The following GFRA1 variants were observed in gnomAD, a reference collection of about 807,000 sequenced individuals.
The protein encoded by GFRA1 is GDNF family receptor alpha 1.
A neutral mutation model predicts 51.6 loss-of-function variants in GFRA1; 16 were observed. That is an observed-to-expected ratio of 0.31 (90% CI 0.21 to 0.47). The LOEUF (loss-of-function observed/expected upper bound fraction) is 0.47. Among genes scored for constraint, GFRA1 ranks in the 20% least tolerant of loss-of-function variants. The probability of loss-of-function intolerance (pLI) is 1.00; values close to 1 mark genes in which losing one functional copy is unlikely to be tolerated. For missense variants in GFRA1, 530 were observed against 594.3 expected (o/e 0.89, Z 1.13); for synonymous variants, 270 against 241.3 (o/e 1.12, Z -1.10).
chr10:116,078,655 C>T (rs781349785), intron 9 of GFRA1, among the ~76,000 whole-genome samples: 12 of 152,280 alleles, frequency 7.9e-5, no homozygotes, highest in South Asian at 4.1e-4. Flanking sequence ...GCAGAGAAAA[C>T]GCTGGGTATA....
At chr10:116,139,090 G>A (rs2134084771) in intron 5 of GFRA1, among the ~76,000 whole-genome samples, 1 of 152,344 alleles carries the variant, frequency 6.6e-6, no homozygotes, top group South Asian at 2.1e-4. Flanking sequence ...TCTTCCACCT[G>A]GCTCCTGTCC....
intron 4 of GFRA1, among the ~76,000 whole-genome samples, chr10:116,235,024 C>G (rs1212559867): frequency 6.6e-6 from 1 of 152,172 alleles, no homozygotes; most frequent in African/African-American, 2.4e-5. Context: ...TGTAAGTTTC[C>G]TGAGGCCTCC....
chr10:116,190,497 A>C (rs1963153945), intron 5 of GFRA1, among the ~76,000 whole-genome samples: 1 of 152,324 alleles, frequency 6.6e-6, no homozygotes, highest in East Asian at 1.9e-4. Context: ...CCCTAAAGGT[A>C]CAGGCCCAGA....
At chr10:116,088,439 G>GA (rs1390220395) in intron 9 of GFRA1, among the ~76,000 whole-genome samples, 3 of 152,116 alleles carry the variant, frequency 2.0e-5, no homozygotes, top group Non-Finnish European at 4.4e-5. Context: ...CAAAATACAG[G>GA]AAAAATCACA....
intron 5 of GFRA1, among the ~76,000 whole-genome samples, chr10:116,207,584 G>A (rs1046134147): frequency 2.0e-5 from 3 of 151,734 alleles, no homozygotes; most frequent in East Asian, 3.9e-4. Context: ...CCTCTGCATC[G>A]TACTCAGCTG....
chr10:116,116,368 G>C (rs1035083303), intron 6 of GFRA1, among the ~76,000 whole-genome samples: 3 of 152,256 alleles, frequency 2.0e-5, no homozygotes, highest in African/African-American at 7.2e-5. Context: ...TGACACCATG[G>C]ATTATTTAGA....
At chr10:116,245,443 G>A (rs918376908) in intron 4 of GFRA1, among the ~76,000 whole-genome samples, 24 of 152,272 alleles carry the variant, frequency 1.6e-4, no homozygotes, top group Non-Finnish European at 1.0e-4. Context: ...TGCTGATGAG[G>A]GCACAGAGCA....
At chr10:116,111,739 C>T (rs897537171) in intron 6 of GFRA1, among the ~76,000 whole-genome samples, 8 of 152,236 alleles carry the variant, frequency 5.3e-5, no homozygotes, top group Admixed American at 2.0e-4. Context: ...GCAGCAGCAG[C>T]ACTGGGAATG....
chr10:116,089,975 A>C, intron 8 of GFRA1, 53 bp from the exon 9 acceptor site: 1 of 1,496,522 alleles, frequency 6.7e-7, no homozygotes. Flanking sequence ...CAAACGTAAC[A>C]GACAGGATAT....
intron 4 of GFRA1, among the ~76,000 whole-genome samples, chr10:116,231,490 A>G (rs568784287): frequency 6.6e-6 from 1 of 152,328 alleles, no homozygotes; most frequent in East Asian, 1.9e-4. Context: ...AATTACTTGA[A>G]TCTCATTTTG....
At chr10:116,216,753 A>G (rs2134470192) in intron 4 of GFRA1, among the ~76,000 whole-genome samples, 1 of 152,326 alleles carries the variant, frequency 6.6e-6, no homozygotes, top group East Asian at 1.9e-4. Flanking sequence ...TTTGAGCTAC[A>G]GAAAGAAAAT....
chr10:116,155,308 C>T (rs981745670), intron 5 of GFRA1, among the ~76,000 whole-genome samples: 2 of 152,132 alleles, frequency 1.3e-5, no homozygotes, highest in Non-Finnish European at 2.9e-5. Context: ...TTAACAGAGC[C>T]ATGCCAAACA....
At chr10:116,219,372 T>C (rs1293530405) in intron 4 of GFRA1, among the ~76,000 whole-genome samples, 1 of 152,238 alleles carries the variant, frequency 6.6e-6, no homozygotes, top group Non-Finnish European at 1.5e-5. Flanking sequence ...GTATTTTATA[T>C]CCATTTAAAA....
intron 5 of GFRA1, among the ~76,000 whole-genome samples, chr10:116,148,077 T>TGC (rs1491555838): frequency 0.013 from 460 of 34,184 alleles, 4 homozygotes; most frequent in South Asian, 0.057. Flanking sequence ...CGTGTGTGCA[T>TGC]GTGTGTGTGT....
In GFRA1 at chr10:116,173,708, C is replaced by T. The variant is rs138555599; in HGVS notation, c.433+37923G>A. 2.0e-4 allele frequency among the ~76,000 whole-genome samples: 30 copies of T among 152,300 alleles called. No individual in the cohort carries two copies. The East Asian group carries it at 5.6e-3, about 28-fold the overall frequency. ...CAGAACAGAACCGCTGCCTTAAATA[C>T]CAACTCAAACTGGAGAAAGTTTTCT... On this transcript the variant is annotated intron_variant, in intron 5 of 10. Coordinates refer to ENST00000355422, the MANE Select transcript of GFRA1 (RefSeq NM_005264.8).
chr10:116,137,068 G>A (rs561956054), intron 5 of GFRA1, among the ~76,000 whole-genome samples: 1 of 152,202 alleles, frequency 6.6e-6, no homozygotes, highest in East Asian at 1.9e-4. Flanking sequence ...TTCTTCGTAG[G>A]CTCATTATCC....
At chr10:116,251,043 AT>A (rs1216619463) in intron 4 of GFRA1, among the ~76,000 whole-genome samples, 1 of 152,164 alleles carries the variant, frequency 6.6e-6, no homozygotes, top group East Asian at 1.9e-4. Context: ...GCACATTCTG[AT>A]TTCCACGTGT....
At chr10:116,228,151 C>T (rs1966435068) in intron 4 of GFRA1, among the ~76,000 whole-genome samples, 1 of 152,214 alleles carries the variant, frequency 6.6e-6, no homozygotes, top group Non-Finnish European at 1.5e-5. Context: ...TCATTTTCCA[C>T]TCTCCTCCCA....
intron 5 of GFRA1, among the ~76,000 whole-genome samples, chr10:116,199,916 T>C (rs573942395): frequency 5.3e-4 from 80 of 152,328 alleles, no homozygotes; most frequent in African/African-American, 1.8e-3. Context: ...CGATGTTGAG[T>C]TCTTTTCCAT....
Sources: gnomAD v4.1 joint callset for allele counts (sites outside exome capture counted in the v4.1 genomes callset) on GRCh38, gnomAD v4.1.1 for gene constraint, MANE v1.5 for transcripts, NCBI Gene and HGNC (gene_info 2026-07-23, HGNC 2026-07-21) for gene names.